TLN2: variants seen among roughly 807,000 people sequenced by gnomAD.
The protein encoded by TLN2 is talin-2.
Under a neutral mutation model 294.7 loss-of-function variants are expected in TLN2, and 118 were observed. The observed-to-expected ratio is 0.40, with a 90% CI of 0.34 to 0.47. The LOEUF (loss-of-function observed/expected upper bound fraction) is 0.47. TLN2 is among the 20% of genes least tolerant of loss of function. The pLI, the probability that TLN2 is intolerant of heterozygous loss-of-function variation, is 0.84. For missense variants in TLN2, 3,083 were observed against 3,282.2 expected, an observed-to-expected ratio of 0.94 and a Z score of 1.48; for synonymous variants, 1,431 against 1,304.5, an observed-to-expected ratio of 1.10 and a Z score of -2.09.
At chr15:62,514,708 C>A (rs961376072) in intron 1 of TLN2, among the ~76,000 whole-genome samples, 6 of 152,096 alleles carry the variant, frequency 3.9e-5, no homozygotes, top group Non-Finnish European at 7.4e-5. Flanking sequence ...TTAAAGACTT[C>A]GAGAGTGGTA....
Position 62,574,620 on chromosome 15 carries a change from G to T in TLN2, c.-237-15067G>T, listed in dbSNP as rs1194479736. On this transcript the variant is annotated intron_variant, in intron 1 of 58. Coordinates refer to ENST00000636159, the MANE Select transcript of TLN2 (RefSeq NM_015059.3). ...AAAAAAAAAAAAAAAAAAAAAAAAA[G>T]ACTATTTCCTTTTGTGTGTGTAATG... 1.0e-4 allele frequency among the ~76,000 whole-genome samples: 5 copies of T among 47,878 alleles called. No individual in the cohort carries two copies. In the East Asian group the frequency reaches 1.8e-3, roughly 17 times the overall value. 31.4% of individuals were successfully genotyped at this position (47,878 alleles called of 152,430 possible).
intron 1 of TLN2, among the ~76,000 whole-genome samples, chr15:62,509,424 G>C (rs950143055): frequency 2.0e-5 from 3 of 152,118 alleles, no homozygotes; most frequent in African/African-American, 7.2e-5. Context: ...AGTGTTTATC[G>C]TGTGATAATA....
At chr15:62,607,695 C>T (rs143852772) in intron 2 of TLN2, among the ~76,000 whole-genome samples, 1 of 151,968 alleles carries the variant, frequency 6.6e-6, no homozygotes, top group Non-Finnish European at 1.5e-5. Flanking sequence ...TTTATTTGAC[C>T]CCTGTGTGGA....
chr15:62,518,007 C>A (rs1356306501), intron 1 of TLN2, among the ~76,000 whole-genome samples: 1 of 151,666 alleles, frequency 6.6e-6, no homozygotes, highest in African/African-American at 2.4e-5. Context: ...TCAGACTGAG[C>A]ACATAGTAAA....
At chr15:62,547,561 A>C (rs1402632425) in intron 1 of TLN2, among the ~76,000 whole-genome samples, 1 of 152,228 alleles carries the variant, frequency 6.6e-6, no homozygotes, top group East Asian at 1.9e-4. Flanking sequence ...CTGGAGCTAC[A>C]GGTATGAAAG....
chr15:62,491,534 A>G (rs1408624273), intron 1 of TLN2, among the ~76,000 whole-genome samples: 3 of 152,236 alleles, frequency 2.0e-5, no homozygotes, highest in East Asian at 1.9e-4. Flanking sequence ...AAAGTGGGCA[A>G]TCAGATATGC....
Position 62,674,594 on chromosome 15 carries a change from C to G in TLN2, c.853-623C>G, listed in dbSNP as rs950744629. Among the ~76,000 whole-genome samples the G allele has an allele frequency of 3.2e-4, 49 of 151,566 alleles. 1 individual carries two copies. Among genetic ancestry groups the G allele is most frequent in the Admixed American group, 1.6e-3 (25 of 15,256 alleles). ...CTGCAACCTCCGTACCTCCCCCCGC[C>G]CTGTTCAAGTGATTCTTGTGCCTCA... On this transcript the variant is annotated intron_variant, in intron 10 of 58. Coordinates refer to ENST00000636159, the MANE Select transcript of TLN2 (RefSeq NM_015059.3).
Position 62,736,947 on chromosome 15 carries a change from C to T in TLN2, c.3428C>T (p.Ser1143Leu), listed in dbSNP as rs77211356. Reference protein sequence around the residue: ...LAQAARGVAASTTDPAAAHAM... With the variant: ...LAQAARGVAALTTDPAAAHAM... ...CAGGCCGCCCGTGGAGTGGCTGCAT[C>T]GACAACCGACCCCGCGGCCGCCCAT... Residue 1143 changes from serine to leucine, a missense_variant, in exon 29 of 59, where the codon TCG becomes TTG. Transcript: ENST00000636159. 4.3e-4 allele frequency: 693 copies of T among 1,614,186 alleles called. 3 individuals carry two copies. In the African/African-American group the frequency reaches 7.4e-3, roughly 17 times the overall value.
At chr15:62,421,708 A>T (rs2034409578) in intron 1 of TLN2, among the ~76,000 whole-genome samples, 1 of 152,116 alleles carries the variant, frequency 6.6e-6, no homozygotes, top group Admixed American at 6.5e-5. Context: ...AGGATCAGAG[A>T]AAATAACCCA....
chr15:62,792,849 T>C (rs2065170520), intron 46 of TLN2, 62 bp downstream of exon 46: 3 of 1,591,172 alleles, frequency 1.9e-6, no homozygotes, highest in African/African-American at 1.4e-5. Flanking sequence ...TGATCCGCTG[T>C]AATCAAGGAC....
intron 1 of TLN2, among the ~76,000 whole-genome samples, chr15:62,436,959 C>A (rs2035315468): frequency 6.6e-6 from 1 of 152,350 alleles, no homozygotes; most frequent in East Asian, 1.9e-4. Context: ...AGACTCCCAA[C>A]CCCAAGTGAT....
At chr15:62,809,687 TG>T (rs1246020921) in intron 51 of TLN2, among the ~76,000 whole-genome samples, 1 of 152,218 alleles carries the variant, frequency 6.6e-6, no homozygotes, top group Non-Finnish European at 1.5e-5. Context: ...CAGATTGAGC[TG>T]TTTCTATCGT....
chr15:62,390,752 G>C (rs1280277183), intron 1 of TLN2, 67 bp downstream of exon 1: 2 of 152,074 alleles, frequency 1.3e-5, no homozygotes, highest in Admixed American at 1.3e-4. Flanking sequence ...TGAATTTCTC[G>C]TGTCTTTTCC....
chr15:62,491,337 A>AAAAT (rs764415455), intron 1 of TLN2, among the ~76,000 whole-genome samples: 1 of 114,988 alleles, frequency 8.7e-6, no homozygotes, highest in Admixed American at 8.9e-5. Flanking sequence ...AAAAAAAAAA[A>AAAAT]ATATATATAT....
chr15:62,561,844 C>G (rs1390895884), intron 1 of TLN2, among the ~76,000 whole-genome samples: 1 of 152,222 alleles, frequency 6.6e-6, no homozygotes, highest in South Asian at 2.1e-4. Context: ...CTCCCTACCC[C>G]ACTTTTTCTT....
At chr15:62,489,522 C>T (rs1218783638) in intron 1 of TLN2, among the ~76,000 whole-genome samples, 3 of 152,170 alleles carry the variant, frequency 2.0e-5, no homozygotes, top group Non-Finnish European at 4.4e-5. Context: ...TTAACACTCT[C>T]CTTCTCCCCT....
At chr15:62,809,793 T>C in intron 51 of TLN2, 132 bp from the exon 52 acceptor site, 3 of 754,588 alleles carry the variant, frequency 4.0e-6, no homozygotes, top group Non-Finnish European at 4.6e-6. Context: ...AGAGGAGAGA[T>C]ACCTCTTCTG....
At chr15:62,664,661 C>T (rs1263870690) in intron 9 of TLN2, among the ~76,000 whole-genome samples, 1 of 151,618 alleles carries the variant, frequency 6.6e-6, no homozygotes, top group Admixed American at 6.6e-5. Flanking sequence ...GAGTTCGAAA[C>T]CAGCCTGACA....
intron 12 of TLN2, among the ~76,000 whole-genome samples, chr15:62,689,764 A>G (rs2057617637): frequency 6.9e-6 from 1 of 144,252 alleles, no homozygotes; most frequent in South Asian, 2.2e-4. Context: ...GTTGGTGTCA[A>G]TTTGTAGGTA....
Sources: gnomAD v4.1 joint callset for allele counts (sites outside exome capture counted in the v4.1 genomes callset) on GRCh38, gnomAD v4.1.1 for gene constraint, MANE v1.5 for transcripts, NCBI Gene and HGNC (gene_info 2026-07-23, HGNC 2026-07-21) for gene names.